The following PWP1 variants were observed in gnomAD, a reference collection of about 807,000 sequenced individuals.
PWP1 encodes the protein PWP1 homolog, endonuclein, also known as periodic tryptophan protein 1 homolog.
Under a neutral mutation model 69.9 loss-of-function variants are expected in PWP1, and 47 were observed. The observed-to-expected ratio is 0.67, with a 90% confidence interval of 0.53 to 0.86. The LOEUF is 0.86. Ranked by LOEUF, PWP1 falls within the 40% of genes least tolerant of loss-of-function variation. The pLI is 0.00. For synonymous variants in PWP1, 222 were observed against 208.2 expected, an observed-to-expected ratio of 1.07 and a Z score of -0.57; for missense variants, 551 against 608.8, an observed-to-expected ratio of 0.91 and a Z score of 1.00.
rs528687463 is a variant in PWP1, at chr12:107,712,623, G to A, written c.*403G>A. On this transcript the variant is annotated 3_prime_UTR_variant, in exon 15 of 15. Transcript: ENST00000412830. ...TGGCTAAAATTGCACAGGAGGCCAT[G>A]AACAGAGGCAAGTGCCCCAGAGACT... 8.2e-5 allele frequency: 13 copies of A among 158,950 alleles called. No individual in the cohort carries two copies. The highest frequency in any genetic ancestry group is 1.7e-4 in the Non-Finnish European group (12 of 72,316). 9.8% of individuals were successfully genotyped at this position (158,950 alleles called of 1,614,324 possible).
intron 5 of PWP1, among the ~76,000 whole-genome samples, chr12:107,695,297 A>T (rs1193948435): frequency 1.3e-5 from 2 of 152,076 alleles, no homozygotes; most frequent in East Asian, 3.9e-4. Flanking sequence ...AATTTTATGT[A>T]AAATGTAAGC....
At chr12:107,707,295 G>A (rs2136286438) in intron 11 of PWP1, among the ~76,000 whole-genome samples, 1 of 152,158 alleles carries the variant, frequency 6.6e-6, no homozygotes, top group African/African-American at 2.4e-5. Context: ...GGAGATTTTG[G>A]GCTGAGACAA....
At chr12:107,704,978 C>T (rs952576276) in intron 11 of PWP1, among the ~76,000 whole-genome samples, 2 of 151,526 alleles carry the variant, frequency 1.3e-5, no homozygotes, top group African/African-American at 2.4e-5. Flanking sequence ...AAGTGTGCCA[C>T]GTTTTATTTA....
At chr12:107,699,132 G>A (rs1179514355) in intron 7 of PWP1, among the ~76,000 whole-genome samples, 1 of 152,028 alleles carries the variant, frequency 6.6e-6, no homozygotes, top group African/African-American at 2.4e-5. Flanking sequence ...GGTGGCATGC[G>A]CGTGTAATCC....
rs543920809 is a variant in PWP1, at chr12:107,709,145, C to T, written c.1203C>T (p.Leu401=). 85 of 1,613,978 alleles carry T rather than the reference C, an allele frequency of 5.3e-5. No homozygotes were observed. Among genetic ancestry groups the T allele is most frequent in the South Asian group, 4.4e-4 (40 of 91,084 alleles). The change falls in exon 13 of 15, where the codon CTC becomes CTT. Residue 401 remains leucine, a synonymous_variant. Transcript: ENST00000412830. ...TTAGCAGTCAAATCAAGGGCTGTCTCGTGACTGCTTCAGCTGACAAATACG... is the reference window on the plus strand; with the variant it reads ...TTAGCAGTCAAATCAAGGGCTGTCTTGTGACTGCTTCAGCTGACAAATACG... The part of the protein sequence containing the change: ...LDLSSQIKGC[L]VTASADKYVK...
chr12:107,712,170 A>AT lies in PWP1; in HGVS notation c.1458dup (p.Ser487Ter). On this transcript the variant is annotated frameshift_variant, in exon 15 of 15. Coordinates refer to ENST00000412830, the MANE Select transcript of PWP1 (RefSeq NM_007062.3). LOFTEE classifies it high-confidence loss of function. ...TCTTGGGAGTGCAAGAAATTCATCT[A>AT]TTAGTGGCCCTTTTGGCAGCAGGAG... The AT allele has an allele frequency of 1.2e-6, 2 of 1,614,116 alleles. No homozygotes were observed. The highest frequency in any genetic ancestry group is 1.7e-6 in the Non-Finnish European group (2 of 1,179,966).
intron 3 of PWP1, among the ~76,000 whole-genome samples, chr12:107,690,740 A>T (rs938753837): frequency 1.3e-5 from 2 of 152,158 alleles, no homozygotes; most frequent in African/African-American, 4.8e-5. Flanking sequence ...CAATGGGGAG[A>T]GGGAGAGTCG....
Position 107,703,720 on chromosome 12 carries a change from G to C in PWP1, c.939G>C (p.Gln313His). ...TGCAGTTTCATCCATTTGAAGCACA[G>C]ACTCTGATTTCTGGCTCATATGATA... is the stretch of plus-strand genomic sequence containing the variant. ...QTLQFHPFEA[Q>H]TLISGSYDKS... The change falls in exon 10 of 15, where the codon CAG (glutamine) becomes CAC (histidine). Residue 313 changes from glutamine to histidine, a missense_variant. Physicochemically the swap from Gln to His is conservative, Grantham distance 24. Coordinates refer to ENST00000412830, the MANE Select transcript of PWP1 (RefSeq NM_007062.3). 6.2e-7 allele frequency: 1 copy of C among 1,605,426 alleles called. No homozygotes were observed. Among genetic ancestry groups the C allele is most frequent in the Non-Finnish European group, 8.5e-7 (1 of 1,172,188 alleles).
chr12:107,689,889 G>A (rs926919714), intron 3 of PWP1, among the ~76,000 whole-genome samples: 5 of 152,180 alleles, frequency 3.3e-5, no homozygotes, highest in Admixed American at 2.6e-4. Context: ...GGGAAAGTAG[G>A]TATAACGATA....
intron 8 of PWP1, among the ~76,000 whole-genome samples, chr12:107,701,222 G>A (rs551146229): frequency 6.6e-6 from 1 of 152,022 alleles, no homozygotes; most frequent in South Asian, 2.1e-4. Context: ...GACCTTCTGG[G>A]GCTCAGGTGA....
chr12:107,687,636 C>A (rs189832956), intron 1 of PWP1, among the ~76,000 whole-genome samples: 7 of 152,274 alleles, frequency 4.6e-5, no homozygotes, highest in Admixed American at 4.6e-4. Flanking sequence ...TGCGGTGGCT[C>A]GTGCCTGTAA....
intron 1 of PWP1, among the ~76,000 whole-genome samples, chr12:107,687,199 C>A (rs1361340973): frequency 6.6e-6 from 1 of 152,066 alleles, no homozygotes; most frequent in Non-Finnish European, 1.5e-5. Flanking sequence ...GTTGTAAATT[C>A]CACCTGGGCA....
At chr12:107,701,390 G>A (rs1210248685) in intron 8 of PWP1, among the ~76,000 whole-genome samples, 1 of 152,138 alleles carries the variant, frequency 6.6e-6, no homozygotes, top group Non-Finnish European at 1.5e-5. Context: ...CTTCTATTCT[G>A]TGGGTTGTTT....
In PWP1 at chr12:107,697,650, G is replaced by A. The variant is rs764608610; in HGVS notation, c.744+53G>A. 10 of 1,531,828 alleles carry A rather than the reference G, an allele frequency of 6.5e-6. No individual in the cohort carries two copies. In the South Asian group the frequency reaches 6.8e-5, roughly 10 times the overall value. 94.9% of individuals were successfully genotyped at this position (1,531,828 alleles called of 1,614,324 possible). On this transcript the variant is annotated intron_variant, in intron 7 of 14. Coordinates refer to ENST00000412830, the MANE Select transcript of PWP1 (RefSeq NM_007062.3). ...CTAATGACAGAGGTAAGTTTACTCG[G>A]GAGTAGGGGTGAAGGGTAAGACCGT...
chr12:107,712,484 A>G lies in PWP1; in HGVS notation c.*264A>G, dbSNP rs182385872. 1.8e-4 allele frequency: 50 copies of G among 271,476 alleles called. No homozygotes were observed. The highest frequency in any genetic ancestry group is 1.0e-3 in the African/African-American group (46 of 45,688). 16.8% of individuals were successfully genotyped at this position (271,476 alleles called of 1,614,324 possible). A position where few individuals can be genotyped will look rare whatever the true frequency, so the allele number is the denominator to read the frequency against. ...TAAAAAGTAATTCCTTAAACATACC[A>G]TCTGTCACAGTTAATCTAGATTTGT... On this transcript the variant is annotated 3_prime_UTR_variant, in exon 15 of 15. Transcript: ENST00000412830.
rs1243111812 is a variant in PWP1 at position 107,712,253 on chromosome 12, T to C, written c.*33T>C. On this transcript the variant is annotated 3_prime_UTR_variant, in exon 15 of 15. Transcript: ENST00000412830. ...CATCTAATTTCCTGCTTACCTTAAC[T>C]GGGAATTTTAAAAAGTTGGCCTAAA... The C allele has an allele frequency of 6.4e-7, 1 of 1,555,442 alleles. No individual in the cohort carries two copies. The highest frequency in any genetic ancestry group is 8.9e-7 in the Non-Finnish European group (1 of 1,128,662).
At chr12:107,708,088 A>G (rs550475801) in intron 11 of PWP1, among the ~76,000 whole-genome samples, 58 of 152,328 alleles carry the variant, frequency 3.8e-4, no homozygotes, top group African/African-American at 1.3e-3. Context: ...TATTTTTACA[A>G]TGATCATTCC....
intron 14 of PWP1, 41 bp downstream of exon 14, chr12:107,710,551 G>GGAAA: frequency 1.6e-6 from 1 of 642,982 alleles, no homozygotes; most frequent in Non-Finnish European, 2.1e-6. Flanking sequence ...CCCTGCCCCT[G>GGAAA]TAAAAAAAAA....
At chr12:107,695,386 G>A (rs945959974) in intron 5 of PWP1, among the ~76,000 whole-genome samples, 1 of 152,190 alleles carries the variant, frequency 6.6e-6, no homozygotes, top group African/African-American at 2.4e-5. Context: ...TCACAGGGAT[G>A]TGATAGAGCA....
Sources: gnomAD v4.1 joint callset for allele counts (sites outside exome capture counted in the v4.1 genomes callset) on GRCh38, gnomAD v4.1.1 for gene constraint, MANE v1.5 for transcripts, NCBI Gene and HGNC (gene_info 2026-07-23, HGNC 2026-07-21) for gene names.